The following GNPTAB variants were observed in gnomAD, a reference collection of about 807,000 sequenced individuals.
GNPTAB encodes N-acetylglucosamine-1-phosphotransferase subunits alpha/beta.
A neutral mutation model predicts 136.6 loss-of-function variants in GNPTAB; 92 were observed. The observed-to-expected ratio is 0.67, with a 90% CI of 0.57 to 0.80. The LOEUF (loss-of-function observed/expected upper bound fraction) is 0.80, where lower values mean the gene tolerates loss of function less well. GNPTAB is among the 30% of genes least tolerant of loss of function. The pLI, the probability that GNPTAB is intolerant of heterozygous loss-of-function variation, is 0.00. For missense variants in GNPTAB, 1,343 were observed against 1,501.8 expected (o/e 0.89, Z 1.75); for synonymous variants, 512 against 535.1 (o/e 0.96, Z 0.60).
intron 1 of GNPTAB, among the ~76,000 whole-genome samples, chr12:101,804,476 T>A (rs990448884): frequency 1.3e-5 from 2 of 152,210 alleles, no homozygotes; most frequent in African/African-American, 4.8e-5. Flanking sequence ...GGAAGAACTT[T>A]GAATCCAGTG....
At position 101,770,490 on chromosome 12, in the gene GNPTAB, A is replaced by C; in HGVS notation, c.1029T>G (p.Val343=). The change falls in exon 9 of 21, where the codon GTT becomes GTG. Residue 343 remains valine (V), a synonymous_variant. Coordinates refer to ENST00000299314, the MANE Select transcript of GNPTAB (RefSeq NM_024312.5). ...LRSIERHAPW[V]RNIFIVTNGQ... ...CGTTGGTGACAATGAAAATATTCCG[A>C]ACCCATGGTGCATGCCTCTCGATAG... 1 of 1,613,668 alleles carries C rather than the reference A, an allele frequency of 6.2e-7. No homozygotes were observed. The highest frequency in any genetic ancestry group is 8.5e-7 in the Non-Finnish European group (1 of 1,179,506).
At chr12:101,802,369 G>A (rs1466080280) in intron 1 of GNPTAB, among the ~76,000 whole-genome samples, 1 of 152,120 alleles carries the variant, frequency 6.6e-6, no homozygotes, top group Admixed American at 6.5e-5. Flanking sequence ...GGTTACTGGG[G>A]ACCCTCACCA....
intron 7 of GNPTAB, among the ~76,000 whole-genome samples, chr12:101,776,660 G>A (rs991263131): frequency 2.0e-5 from 3 of 152,238 alleles, no homozygotes; most frequent in African/African-American, 4.8e-5. Flanking sequence ...TGCCTAGAGT[G>A]ACTCCTGTGA....
chr12:101,772,165 T>A (rs1183327739), intron 7 of GNPTAB, among the ~76,000 whole-genome samples: 1 of 152,216 alleles, frequency 6.6e-6, no homozygotes, highest in East Asian at 1.9e-4. Context: ...CTGTTCTGAC[T>A]CTGTATCACA....
intron 5 of GNPTAB, among the ~76,000 whole-genome samples, chr12:101,783,355 CCCTGAGAGA>C: frequency 6.6e-6 from 1 of 152,244 alleles, no homozygotes; most frequent in South Asian, 2.1e-4. Flanking sequence ...ACTGACAAGT[CCCTGAGAGA>C]CAGCCAAAGA....
chr12:101,824,091 C>A (rs1318865055), intron 1 of GNPTAB, among the ~76,000 whole-genome samples: 1 of 152,074 alleles, frequency 6.6e-6, no homozygotes, highest in Non-Finnish European at 1.5e-5. Flanking sequence ...ACTGACAGCC[C>A]CACCCACTCC....
At chr12:101,791,367 T>TGTCC (rs1296043590) in intron 2 of GNPTAB, among the ~76,000 whole-genome samples, 1 of 151,916 alleles carries the variant, frequency 6.6e-6, no homozygotes, top group African/African-American at 2.4e-5. Flanking sequence ...AGATCAGCAG[T>TGTCC]GTCCAATCTT....
At chr12:101,748,766 A>C (rs1952772367) in intron 20 of GNPTAB, among the ~76,000 whole-genome samples, 1 of 152,146 alleles carries the variant, frequency 6.6e-6, no homozygotes, top group Admixed American at 6.5e-5. Context: ...AAAATTGGAG[A>C]CCCATAGAAA....
intron 1 of GNPTAB, chr12:101,810,466 CACAT>C (rs1555274668): frequency 7.0e-6 from 1 of 142,354 alleles, no homozygotes; most frequent in African/African-American, 2.6e-5. Flanking sequence ...CACACACACA[CACAT>C]ATATATAAAC....
intron 1 of GNPTAB, among the ~76,000 whole-genome samples, chr12:101,826,506 A>T (rs1871090321): frequency 7.0e-6 from 1 of 142,142 alleles, no homozygotes; most frequent in Non-Finnish European, 1.5e-5. Flanking sequence ...CTGATTTTTA[A>T]TTTTTTTTTT....
At chr12:101,771,276 G>A (rs566143785) in intron 7 of GNPTAB, 119 bp from the exon 8 acceptor site, 32 of 877,814 alleles carry the variant, frequency 3.6e-5, no homozygotes, top group South Asian at 7.4e-5. Flanking sequence ...ACACAGTCTC[G>A]CTCTGTCGCC....
chr12:101,788,661 TG>T, intron 3 of GNPTAB, 72 bp from the exon 4 acceptor site: 1 of 819,452 alleles, frequency 1.2e-6, no homozygotes, highest in Non-Finnish European at 2.2e-6. Flanking sequence ...CAAGACGGTT[TG>T]CTTAGAGCAT....
At chr12:101,819,826 CA>C (rs1870708119) in intron 1 of GNPTAB, among the ~76,000 whole-genome samples, 1 of 152,134 alleles carries the variant, frequency 6.6e-6, no homozygotes, top group African/African-American at 2.4e-5. Context: ...ATTATAGTTA[CA>C]CCTGTTATAT....
intron 1 of GNPTAB, among the ~76,000 whole-genome samples, chr12:101,822,797 G>C (rs914386758): frequency 2.0e-5 from 3 of 152,172 alleles, no homozygotes; most frequent in Non-Finnish European, 4.4e-5. Flanking sequence ...TTCATCCAGG[G>C]GCAGGGGTGC....
chr12:101,779,967 A>G (rs1447970813), intron 7 of GNPTAB, 185 bp downstream of exon 7: 8 of 648,466 alleles, frequency 1.2e-5, no homozygotes, highest in Admixed American at 7.8e-5. Context: ...AGCAAACCAA[A>G]TAAGACTCTT....
At chr12:101,806,262 T>A (rs1015431941) in intron 1 of GNPTAB, among the ~76,000 whole-genome samples, 7 of 152,098 alleles carry the variant, frequency 4.6e-5, no homozygotes, top group Admixed American at 3.9e-4. Flanking sequence ...TCTTTCCCCA[T>A]GTAAACACAG....
intron 4 of GNPTAB, among the ~76,000 whole-genome samples, chr12:101,787,765 T>C (rs946974286): frequency 1.3e-5 from 2 of 151,858 alleles, no homozygotes; most frequent in African/African-American, 4.8e-5. Context: ...AATACAAAAT[T>C]AGTCAGGCGT....
intron 1 of GNPTAB, among the ~76,000 whole-genome samples, chr12:101,823,566 C>A (rs976072876): frequency 6.9e-6 from 1 of 144,096 alleles, no homozygotes; most frequent in Non-Finnish European, 1.5e-5. Context: ...GCTGAGATTG[C>A]GCCACTGCAC....
chr12:101,801,359 C>G (rs961683571), intron 1 of GNPTAB, among the ~76,000 whole-genome samples: 2 of 149,870 alleles, frequency 1.3e-5, no homozygotes, highest in Admixed American at 1.3e-4. Flanking sequence ...ATAGGCAACA[C>G]GGCAAAACCC....
Sources: allele counts gnomAD v4.1 joint callset (sites outside exome capture counted in the v4.1 genomes callset), GRCh38; gene constraint gnomAD v4.1.1; transcripts MANE v1.5; gene names NCBI Gene and HGNC (gene_info 2026-07-23, HGNC 2026-07-21).